The following CDIN1 variants were observed in gnomAD, a reference collection of about 807,000 sequenced individuals.
CDIN1 encodes CDAN1 interacting nuclease 1.
A neutral mutation model predicts 45.3 loss-of-function variants in CDIN1; 33 were observed. The ratio of observed to expected loss-of-function variants is 0.73; its 90% CI spans 0.55 to 0.97. The LOEUF is 0.97. CDIN1 is among the 50% of genes least tolerant of loss of function. CDIN1 has a pLI of 0.00. For synonymous variants in CDIN1, 118 were observed against 124.4 expected, an observed-to-expected ratio of 0.95 and a Z score of 0.34; for missense variants, 303 against 339.4, an observed-to-expected ratio of 0.89 and a Z score of 0.84.
At chr15:36,760,718 T>A (rs1490115979) in intron 10 of CDIN1, among the ~76,000 whole-genome samples, 1 of 111,628 alleles carries the variant, frequency 9.0e-6, no homozygotes, top group African/African-American at 3.8e-5. Flanking sequence ...TAAGAAATGG[T>A]GGTGGTGGTG....
At chr15:36,700,844 G>A (rs1240128878) in intron 8 of CDIN1, among the ~76,000 whole-genome samples, 1 of 151,844 alleles carries the variant, frequency 6.6e-6, no homozygotes, top group Non-Finnish European at 1.5e-5. Context: ...GGAGGCTGAG[G>A]CAGGAGGATC....
intron 9 of CDIN1, 103 bp downstream of exon 9, chr15:36,709,391 A>C: frequency 1.3e-6 from 1 of 742,474 alleles, no homozygotes; most frequent in Non-Finnish European, 2.0e-6. Flanking sequence ...AAATGGGTGG[A>C]TAATTGGAAA....
intron 5 of CDIN1, among the ~76,000 whole-genome samples, chr15:36,677,580 A>G (rs1321677679): frequency 6.6e-6 from 1 of 152,192 alleles, no homozygotes; most frequent in Non-Finnish European, 1.5e-5. Context: ...TTAATGTGGC[A>G]TGATTTAACA....
chr15:36,778,015 C>A lies in CDIN1; in HGVS notation c.717-30309C>A, dbSNP rs7177383. 9.0e-3 allele frequency among the ~76,000 whole-genome samples: 1,378 copies of A among 152,278 alleles called. 15 individuals are homozygous for A. Among genetic ancestry groups the A allele is most frequent in the African/African-American group, 0.032 (1,327 of 41,540 alleles). ...TTGGGTGATCCCTTCTGGGTCTTCA[C>A]TTGCTTGATTTTAGGATGTTTCTCC... On this transcript the variant is annotated intron_variant, in intron 10 of 10. Coordinates refer to ENST00000566621, the MANE Select transcript of CDIN1 (RefSeq NM_001321759.2).
intron 5 of CDIN1, among the ~76,000 whole-genome samples, chr15:36,687,434 A>C (rs540115594): frequency 6.6e-6 from 1 of 152,356 alleles, no homozygotes; most frequent in East Asian, 1.9e-4. Context: ...ATGGAACACT[A>C]GTTATGTGAG....
chr15:36,701,407 T>C (rs138640074), intron 8 of CDIN1, among the ~76,000 whole-genome samples: 2 of 152,268 alleles, frequency 1.3e-5, no homozygotes, highest in East Asian at 3.9e-4. Flanking sequence ...TGCTGTGTTT[T>C]TTTGTGTGTT....
chr15:36,766,652 G>A (rs1223600840), intron 10 of CDIN1, among the ~76,000 whole-genome samples: 2 of 152,092 alleles, frequency 1.3e-5, no homozygotes, highest in Non-Finnish European at 1.5e-5. Flanking sequence ...GTTTTGACGT[G>A]CAATTTTCTG....
intron 4 of CDIN1, among the ~76,000 whole-genome samples, chr15:36,656,682 A>C (rs2040796092): frequency 6.6e-6 from 1 of 152,150 alleles, no homozygotes; most frequent in South Asian, 2.1e-4. Context: ...TACCTTCAGT[A>C]ATTTCACCAT....
At chr15:36,731,202 A>G (rs1180192971) in intron 10 of CDIN1, among the ~76,000 whole-genome samples, 1 of 152,152 alleles carries the variant, frequency 6.6e-6, no homozygotes, top group Admixed American at 6.5e-5. Context: ...AAAGTGATTT[A>G]TGGGAATGTA....
At chr15:36,580,021 C>G in intron 1 of CDIN1, 60 bp downstream of exon 1, 1 of 1,469,922 alleles carries the variant, frequency 6.8e-7, no homozygotes, top group Non-Finnish European at 9.3e-7. Flanking sequence ...GCCTGGGCCG[C>G]CCAGGCAGCG....
intron 10 of CDIN1, among the ~76,000 whole-genome samples, chr15:36,719,288 G>A (rs181045136): frequency 5.1e-4 from 77 of 152,176 alleles, no homozygotes; most frequent in Non-Finnish European, 1.0e-3. Context: ...TCAGGTTGAA[G>A]AAACTCCCTT....
intron 5 of CDIN1, among the ~76,000 whole-genome samples, chr15:36,681,366 A>T (rs185402806): frequency 5.0e-4 from 76 of 152,266 alleles, no homozygotes; most frequent in Admixed American, 1.0e-3. Flanking sequence ...TAAGGAAAGC[A>T]TCCTTAATAT....
chr15:36,592,639 T>C (rs2037635672), intron 1 of CDIN1, among the ~76,000 whole-genome samples: 1 of 152,202 alleles, frequency 6.6e-6, no homozygotes, highest in Admixed American at 6.5e-5. Context: ...TTACTATAGT[T>C]AGCATGGGAG....
intron 1 of CDIN1, chr15:36,626,653 C>A: frequency 2.8e-6 from 1 of 356,568 alleles, no homozygotes; most frequent in Admixed American, 3.5e-5. Flanking sequence ...GGCAACAAAG[C>A]CATTTGCAGA....
At chr15:36,679,020 G>A (rs998110126) in intron 5 of CDIN1, among the ~76,000 whole-genome samples, 3 of 152,158 alleles carry the variant, frequency 2.0e-5, no homozygotes, top group Admixed American at 2.0e-4. Context: ...CTTCTATTAT[G>A]TCGTTATAGA....
At chr15:36,600,895 A>G (rs1223478199) in intron 1 of CDIN1, among the ~76,000 whole-genome samples, 1 of 152,164 alleles carries the variant, frequency 6.6e-6, no homozygotes, top group Non-Finnish European at 1.5e-5. Context: ...TTGTAGATAG[A>G]CTTTTCAATC....
At chr15:36,639,950 T>C (rs2140385938) in intron 1 of CDIN1, among the ~76,000 whole-genome samples, 1 of 152,296 alleles carries the variant, frequency 6.6e-6, no homozygotes, top group East Asian at 1.9e-4. Flanking sequence ...TTTGCATCCT[T>C]GATATGCAGT....
At chr15:36,653,471 T>A (rs201069642) in intron 3 of CDIN1, among the ~76,000 whole-genome samples, 1 of 128,494 alleles carries the variant, frequency 7.8e-6, no homozygotes, top group Non-Finnish European at 1.7e-5. Flanking sequence ...AAAAAAAAAA[T>A]CCCCCCAGCT....
chr15:36,745,228 T>C (rs2044379064), intron 10 of CDIN1, among the ~76,000 whole-genome samples: 1 of 150,240 alleles, frequency 6.7e-6, no homozygotes, highest in South Asian at 2.1e-4. Flanking sequence ...AGTTAAACAC[T>C]TCATTTGTTA....
Sources: allele counts gnomAD v4.1 joint callset (sites outside exome capture counted in the v4.1 genomes callset), GRCh38; gene constraint gnomAD v4.1.1; transcripts MANE v1.5; gene names NCBI Gene and HGNC (gene_info 2026-07-23, HGNC 2026-07-21).